The following RPS6KA5 variants were observed in gnomAD, a reference collection of about 807,000 sequenced individuals.
RPS6KA5 encodes ribosomal protein S6 kinase alpha-5.
A neutral mutation model predicts 85.5 loss-of-function variants in RPS6KA5; 27 were observed. The ratio of observed to expected loss-of-function variants is 0.32; its 90% CI spans 0.23 to 0.44. The LOEUF (loss-of-function observed/expected upper bound fraction) is 0.44. RPS6KA5 is among the 20% of genes least tolerant of loss of function. RPS6KA5 has a pLI of 1.00. For missense variants in RPS6KA5, 811 were observed against 980.9 expected, an observed-to-expected ratio of 0.83 and a Z score of 2.31; for synonymous variants, 334 against 348.2, an observed-to-expected ratio of 0.96 and a Z score of 0.46.
chr14:90,953,806 T>C (rs974972283), intron 3 of RPS6KA5, among the ~76,000 whole-genome samples: 3 of 152,156 alleles, frequency 2.0e-5, no homozygotes, highest in East Asian at 1.9e-4. Flanking sequence ...CCTGGTAAAT[T>C]TGTGGTCAGA....
rs1458892566 is a variant in RPS6KA5, at chr14:90,848,356, G to A, written c.*23718C>T. 6.6e-6 allele frequency: 1 copy of A among 152,144 alleles called. No homozygotes were observed. Among genetic ancestry groups the A allele is most frequent in the African/African-American group, 2.4e-5 (1 of 41,432 alleles). The allele number at this position is 152,144 out of a possible 1,614,324, so 9.4% of individuals were successfully genotyped here. On this transcript the variant is annotated 3_prime_UTR_variant, in exon 17 of 17. Transcript: ENST00000614987. ...ACATTAGCCCTCCTAAACAATTCCA[G>A]AAGAGGGAAGTTCATTATGAATTAA...
At chr14:90,980,923 G>C (rs11621769) in intron 2 of RPS6KA5, among the ~76,000 whole-genome samples, 94 of 152,322 alleles carry the variant, frequency 6.2e-4, no homozygotes, top group African/African-American at 2.1e-3. Flanking sequence ...TGTAATCCCA[G>C]CACTTTGGGA....
intron 1 of RPS6KA5, among the ~76,000 whole-genome samples, chr14:91,012,611 T>A (rs2041308556): frequency 6.6e-6 from 1 of 152,212 alleles, no homozygotes; most frequent in African/African-American, 2.4e-5. Context: ...TTCCCTCAAT[T>A]ACTGGGAGAG....
At chr14:90,900,491 A>C (rs1265414008) in intron 10 of RPS6KA5, 120 bp downstream of exon 10, 19 of 990,790 alleles carry the variant, frequency 1.9e-5, no homozygotes, top group Non-Finnish European at 2.6e-5. Context: ...ATATTGCTAT[A>C]TCCCACTTTT....
At chr14:90,882,772 G>A (rs1320548765) in intron 14 of RPS6KA5, among the ~76,000 whole-genome samples, 1 of 151,656 alleles carries the variant, frequency 6.6e-6, no homozygotes, top group African/African-American at 2.4e-5. Flanking sequence ...AAGATCACTT[G>A]TATGTGTGGA....
chr14:91,034,971 G>GGGGGA (rs1468375100), intron 1 of RPS6KA5, among the ~76,000 whole-genome samples: 4 of 152,074 alleles, frequency 2.6e-5, no homozygotes, highest in African/African-American at 9.7e-5. Context: ...CAATTTGATG[G>GGGGGA]GGGGAGGGGA....
intron 1 of RPS6KA5, among the ~76,000 whole-genome samples, chr14:91,045,479 G>A (rs893045738): frequency 1.3e-5 from 2 of 152,128 alleles, no homozygotes; most frequent in Admixed American, 1.3e-4. Context: ...GGCCAGGCTG[G>A]TCTCGAATCT....
chr14:90,953,819 G>A (rs544212754), intron 3 of RPS6KA5, among the ~76,000 whole-genome samples: 4 of 152,228 alleles, frequency 2.6e-5, no homozygotes, highest in Admixed American at 6.5e-5. Context: ...TGGTCAGACC[G>A]GTTCTCTGCT....
intron 2 of RPS6KA5, among the ~76,000 whole-genome samples, chr14:90,982,141 TTGCAAC>T (rs1328809131): frequency 1.3e-5 from 2 of 152,250 alleles, no homozygotes; most frequent in African/African-American, 4.8e-5. Context: ...TTCTTTTAGT[TTGCAAC>T]TGGATGAATG....
At chr14:90,959,056 T>C (rs1018293602) in intron 3 of RPS6KA5, among the ~76,000 whole-genome samples, 3 of 151,878 alleles carry the variant, frequency 2.0e-5, no homozygotes, top group African/African-American at 7.3e-5. Context: ...AGGCCTGGTG[T>C]ATTTGAAGGT....
At chr14:90,964,863 CA>C (rs1349168505) in intron 3 of RPS6KA5, among the ~76,000 whole-genome samples, 1 of 139,646 alleles carries the variant, frequency 7.2e-6, no homozygotes, top group Non-Finnish European at 1.5e-5. Flanking sequence ...TGCAGTGGGC[CA>C]TGATAGTGCC....
intron 2 of RPS6KA5, among the ~76,000 whole-genome samples, chr14:90,983,276 C>CAAAAA (rs562999325): frequency 1.5e-5 from 1 of 66,600 alleles, no homozygotes. Context: ...GACTCCATCT[C>CAAAAA]AAAAAAAAAA....
At chr14:90,994,815 G>A (rs1159286235) in intron 2 of RPS6KA5, among the ~76,000 whole-genome samples, 3 of 151,512 alleles carry the variant, frequency 2.0e-5, no homozygotes, top group East Asian at 3.9e-4. Flanking sequence ...CTCATGATCC[G>A]CCTGCCTCGG....
intron 2 of RPS6KA5, among the ~76,000 whole-genome samples, chr14:90,995,957 A>G (rs2040498737): frequency 6.6e-6 from 1 of 152,100 alleles, no homozygotes; most frequent in African/African-American, 2.4e-5. Flanking sequence ...GTGTTGGCAC[A>G]TGGTTGCAGT....
At position 90,919,230 on chromosome 14, in the gene RPS6KA5, G is replaced by A. The variant is rs146703173; in HGVS notation, c.806+976C>T. Among the ~76,000 whole-genome samples the A allele has an allele frequency of 2.7e-3, 415 of 152,204 alleles. 1 individual carries two copies. The highest frequency in any genetic ancestry group is 4.8e-3 in the Non-Finnish European group (324 of 68,018). On this transcript the variant is annotated intron_variant, in intron 7 of 16. Coordinates refer to ENST00000614987, the MANE Select transcript of RPS6KA5 (RefSeq NM_004755.4). Reference sequence around the variant, plus strand: ...CTCCTGAACTGCGTCTGGGTTTTGCGGCCTGGAAATGCTCTCAAGGCAGTA... The same window carrying A: ...CTCCTGAACTGCGTCTGGGTTTTGCAGCCTGGAAATGCTCTCAAGGCAGTA...
intron 3 of RPS6KA5, among the ~76,000 whole-genome samples, chr14:90,961,293 G>C (rs965643154): frequency 4.6e-5 from 7 of 152,178 alleles, no homozygotes; most frequent in African/African-American, 2.4e-5. Flanking sequence ...ACTGAGAGTG[G>C]TTAAGTCAAT....
At chr14:91,055,733 C>T (rs1595572150) in intron 1 of RPS6KA5, among the ~76,000 whole-genome samples, 2 of 152,142 alleles carry the variant, frequency 1.3e-5, no homozygotes, top group Non-Finnish European at 2.9e-5. Context: ...GAGCCATGAT[C>T]GCACCACTGC....
At position 91,056,867 on chromosome 14, in the gene RPS6KA5, CTTTT is replaced by C. The variant is rs34807092; in HGVS notation, c.103+3461_103+3464del. Among the ~76,000 whole-genome samples the C allele has an allele frequency of 9.6e-3, 371 of 38,824 alleles. 2 individuals carry two copies. Among genetic ancestry groups the C allele is most frequent in the South Asian group, 0.026 (16 of 618 alleles). The allele number at this position is 38,824 out of a possible 152,430, so 25.5% of individuals were successfully genotyped here. On this transcript the variant is annotated intron_variant, in intron 1 of 16. Coordinates refer to ENST00000614987, the MANE Select transcript of RPS6KA5 (RefSeq NM_004755.4). The stretch of plus-strand genomic sequence containing the variant: ...ACTGTTATACTTAAGGCAGTATTAT[CTTTT>C]TTTTTTTTTTTTTTTTTTTTTTTTT...
At chr14:90,994,561 A>ATTTTTTTTTTTT (rs935828871) in intron 2 of RPS6KA5, among the ~76,000 whole-genome samples, 5 of 61,944 alleles carry the variant, frequency 8.1e-5, no homozygotes, top group African/African-American at 1.3e-4. Context: ...GATGTTTGTG[A>ATTTTTTTTTTTT]TTTTTTTTTT....
Sources: allele counts gnomAD v4.1 joint callset (sites outside exome capture counted in the v4.1 genomes callset), GRCh38; gene constraint gnomAD v4.1.1; transcripts MANE v1.5; gene names NCBI Gene and HGNC (gene_info 2026-07-23, HGNC 2026-07-21).